The following FOXN3 variants were observed in gnomAD, a reference collection of about 807,000 sequenced individuals.
The protein encoded by FOXN3 is forkhead box protein N3.
A neutral mutation model predicts 38.4 loss-of-function variants in FOXN3; 7 were observed. That is an observed-to-expected ratio of 0.18 (90% CI 0.10 to 0.34). The LOEUF (loss-of-function observed/expected upper bound fraction) is 0.34, where lower values mean the gene tolerates loss of function less well. Among genes scored for constraint, FOXN3 ranks in the 10% least tolerant of loss-of-function variants. FOXN3 has a pLI of 1.00. For missense variants in FOXN3, 456 were observed against 613.4 expected, an observed-to-expected ratio of 0.74 and a Z score of 2.71; for synonymous variants, 230 against 242.2, an observed-to-expected ratio of 0.95 and a Z score of 0.47.
chr14:89,500,396 A>G (rs1014828948), intron 1 of FOXN3, among the ~76,000 whole-genome samples: 3 of 152,218 alleles, frequency 2.0e-5, no homozygotes, highest in African/African-American at 7.2e-5. Flanking sequence ...GCAAGGAGAG[A>G]CTGGGAGAAG....
intron 4 of FOXN3, among the ~76,000 whole-genome samples, chr14:89,232,368 A>G (rs1428126121): frequency 1.3e-5 from 2 of 152,206 alleles, no homozygotes; most frequent in African/African-American, 2.4e-5. Flanking sequence ...GAGTGCTTTA[A>G]TCAATGAAAT....
At chr14:89,214,250 C>G (rs1884192622) in intron 4 of FOXN3, among the ~76,000 whole-genome samples, 1 of 152,186 alleles carries the variant, frequency 6.6e-6, no homozygotes, top group Non-Finnish European at 1.5e-5. Context: ...ATCTGTGAAG[C>G]AAGCTCCGTC....
intron 2 of FOXN3, chr14:89,353,650 G>C (rs1277630287): frequency 6.6e-6 from 1 of 152,224 alleles, no homozygotes; most frequent in African/African-American, 2.4e-5. Context: ...GCTGCTGAAA[G>C]TCTTTTGCCC....
At chr14:89,300,402 G>A (rs1887181361) in intron 3 of FOXN3, among the ~76,000 whole-genome samples, 3 of 152,026 alleles carry the variant, frequency 2.0e-5, no homozygotes, top group South Asian at 4.1e-4. Flanking sequence ...GGTTGGTCTC[G>A]AACTCCTGAC....
At chr14:89,296,287 T>C (rs1887039426) in intron 3 of FOXN3, among the ~76,000 whole-genome samples, 1 of 152,242 alleles carries the variant, frequency 6.6e-6, no homozygotes, top group African/African-American at 2.4e-5. Context: ...CAGTTTCTAA[T>C]TTTACATATG....
intron 1 of FOXN3, among the ~76,000 whole-genome samples, chr14:89,530,632 CAG>C (rs1894539573): frequency 6.6e-6 from 1 of 151,682 alleles, no homozygotes; most frequent in Admixed American, 6.6e-5. Flanking sequence ...TTTTTTGAGA[CAG>C]AGTCTCAATC....
intron 2 of FOXN3, among the ~76,000 whole-genome samples, chr14:89,400,348 A>G (rs1363806209): frequency 2.0e-5 from 3 of 152,072 alleles, no homozygotes; most frequent in African/African-American, 7.2e-5. Flanking sequence ...ATTTTCCAAC[A>G]CCTATGCACT....
chr14:89,315,263 T>C (rs566440727), intron 3 of FOXN3, among the ~76,000 whole-genome samples: 2 of 152,164 alleles, frequency 1.3e-5, no homozygotes, highest in Admixed American at 6.5e-5. Context: ...TCCTGAATTA[T>C]TGTCTCTTGG....
chr14:89,374,253 G>C (rs1347916182), intron 2 of FOXN3, among the ~76,000 whole-genome samples: 1 of 88,868 alleles, frequency 1.1e-5, no homozygotes, highest in African/African-American at 4.6e-5. Context: ...AACAGAGTGA[G>C]ACCTTGTCTC....
At chr14:89,512,941 C>G (rs1198700121) in intron 1 of FOXN3, among the ~76,000 whole-genome samples, 1 of 151,970 alleles carries the variant, frequency 6.6e-6, no homozygotes, top group African/African-American at 2.4e-5. Flanking sequence ...GAGTTCAAGA[C>G]CAGCCTGGCC....
chr14:89,467,816 T>G (rs1439606631), intron 1 of FOXN3, among the ~76,000 whole-genome samples: 2 of 130,796 alleles, frequency 1.5e-5, no homozygotes, highest in East Asian at 2.2e-4. Flanking sequence ...TTTTTTTTTT[T>G]TTTTTTTTTT....
intron 1 of FOXN3, among the ~76,000 whole-genome samples, chr14:89,570,039 C>G (rs1241759171): frequency 6.7e-6 from 1 of 149,758 alleles, no homozygotes; most frequent in Non-Finnish European, 1.5e-5. Context: ...CTCACTCTGT[C>G]GCTCAGGCTG....
chr14:89,324,439 T>C (rs376909724), intron 3 of FOXN3, among the ~76,000 whole-genome samples: 3,740 of 110,394 alleles, frequency 0.034, 142 homozygotes, highest in African/African-American at 0.13. Context: ...CAGCTAAGTG[T>C]GTGCGTGTGT....
At chr14:89,549,947 C>A (rs1894966867) in intron 1 of FOXN3, among the ~76,000 whole-genome samples, 1 of 152,222 alleles carries the variant, frequency 6.6e-6, no homozygotes, top group African/African-American at 2.4e-5. Flanking sequence ...TTCTTTCTGG[C>A]AGGCCGGCTA....
At chr14:89,205,778 T>C (rs1476808703) in intron 4 of FOXN3, among the ~76,000 whole-genome samples, 2 of 152,216 alleles carry the variant, frequency 1.3e-5, no homozygotes, top group Non-Finnish European at 1.5e-5. Flanking sequence ...CTTCGGGAGC[T>C]GTAAACACTC....
intron 1 of FOXN3, among the ~76,000 whole-genome samples, chr14:89,513,670 C>T (rs897495839): frequency 6.6e-6 from 1 of 152,168 alleles, no homozygotes; most frequent in Non-Finnish European, 1.5e-5. Context: ...TCTCGGCTCA[C>T]CACAACCTCC....
intron 3 of FOXN3, among the ~76,000 whole-genome samples, chr14:89,325,267 A>T (rs1596185088): frequency 1.4e-5 from 2 of 144,824 alleles, no homozygotes; most frequent in Admixed American, 6.9e-5. Flanking sequence ...CACCACCACC[A>T]TCACCAACAC....
chr14:89,172,476 T>C (rs1458661916), intron 5 of FOXN3, among the ~76,000 whole-genome samples: 1 of 152,202 alleles, frequency 6.6e-6, no homozygotes, highest in Non-Finnish European at 1.5e-5. Context: ...CTTTTCTTTG[T>C]TTTTCTTGTT....
At chr14:89,415,472 G>A (rs1328954131) in intron 1 of FOXN3, among the ~76,000 whole-genome samples, 2 of 151,870 alleles carry the variant, frequency 1.3e-5, no homozygotes. Context: ...GATCATGTGT[G>A]CGTTTTGTGC....
Sources: gnomAD v4.1 joint callset for allele counts (sites outside exome capture counted in the v4.1 genomes callset) on GRCh38, gnomAD v4.1.1 for gene constraint, MANE v1.5 for transcripts, NCBI Gene and HGNC (gene_info 2026-07-23, HGNC 2026-07-21) for gene names.